SPART: variants seen among roughly 807,000 people sequenced by gnomAD.
SPART encodes spastic paraplegia 20 (Troyer syndrome).
SPART carries 35 observed loss-of-function variants against 58.7 expected under a neutral mutation model. The ratio of observed to expected loss-of-function variants is 0.60; its 90% CI spans 0.46 to 0.79. The LOEUF is 0.79. Among genes scored for constraint, SPART ranks in the 30% least tolerant of loss-of-function variants. The probability of loss-of-function intolerance (pLI) is 0.00; values close to 1 mark genes in which losing one functional copy is unlikely to be tolerated. For missense variants in SPART, 730 were observed against 786.1 expected, an observed-to-expected ratio of 0.93 and a Z score of 0.85; for synonymous variants, 284 against 280.7, an observed-to-expected ratio of 1.01 and a Z score of -0.12.
chr13:36,312,207 T>C lies in SPART; in HGVS notation c.1671A>G (p.Glu557=). ...QGFSTVWQGL[E]CAAKCIVNNV... ...TGTTAACGATGCATTTAGCTGCACA[T>C]TCCAATCCTTGCCAGACAGTTGAAA... The change falls in exon 8 of 9, where the codon GAA becomes GAG. Residue 557 remains glutamate (E), a synonymous_variant. Transcript: ENST00000438666. The C allele has an allele frequency of 1.9e-6, 3 of 1,614,202 alleles. No individual in the cohort carries two copies. Among genetic ancestry groups the C allele is most frequent in the Non-Finnish European group, 2.5e-6 (3 of 1,180,032 alleles).
chr13:36,322,423 G>A (rs1015572130), intron 5 of SPART, among the ~76,000 whole-genome samples: 3 of 146,456 alleles, frequency 2.0e-5, no homozygotes, highest in African/African-American at 7.7e-5. Context: ...CTCCGACTTG[G>A]GTAACAGAGC....
chr13:36,365,053 G>T (rs1394600494), intron 1 of SPART, among the ~76,000 whole-genome samples: 3 of 152,180 alleles, frequency 2.0e-5, no homozygotes, highest in African/African-American at 7.2e-5. Flanking sequence ...GAGGTTGCAT[G>T]ATGCTGAACT....
chr13:36,312,120 G>A, intron 8 of SPART, 25 bp downstream of exon 8: 1 of 1,587,562 alleles, frequency 6.3e-7, no homozygotes, highest in African/African-American at 1.3e-5. Flanking sequence ...CAGAGATTTA[G>A]TCATTAAAAT....
chr13:36,347,163 A>G (rs1309952778), upstream of SPART, among the ~76,000 whole-genome samples: 3 of 151,986 alleles, frequency 2.0e-5, no homozygotes, highest in Non-Finnish European at 4.4e-5. Context: ...AAAACAGAAA[A>G]AAGAAAAAGC....
chr13:36,360,041 AT>A (rs1237325308), intron 1 of SPART, among the ~76,000 whole-genome samples: 4 of 151,806 alleles, frequency 2.6e-5, no homozygotes, highest in Non-Finnish European at 5.9e-5. Context: ...CATGCCTGTA[AT>A]CCTGGCACTT....
chr13:36,348,253 C>A (rs1338077576), upstream of SPART, among the ~76,000 whole-genome samples: 1 of 152,184 alleles, frequency 6.6e-6, no homozygotes, highest in Admixed American at 6.5e-5. Context: ...CCACTGCACC[C>A]CAGCCTGGGC....
chr13:36,319,955 A>T (rs1416157206), intron 5 of SPART, among the ~76,000 whole-genome samples: 1 of 152,142 alleles, frequency 6.6e-6, no homozygotes, highest in Non-Finnish European at 1.5e-5. Flanking sequence ...ACCTTCTACA[A>T]AACAACAACT....
chr13:36,307,699 A>T (rs1363477727), intron 8 of SPART, among the ~76,000 whole-genome samples: 1 of 152,110 alleles, frequency 6.6e-6, no homozygotes, highest in African/African-American at 2.4e-5. Flanking sequence ...TACCGCAATT[A>T]AGTGTAGCAG....
In SPART at chr13:36,304,083, C is replaced by A. The variant is rs566529064; in HGVS notation, c.*282G>T. 1 of 476,226 alleles carries A rather than the reference C, an allele frequency of 2.1e-6. No homozygotes were observed. Among genetic ancestry groups the A allele is most frequent in the East Asian group, 4.1e-5 (1 of 24,350 alleles). 29.5% of individuals were successfully genotyped at this position (476,226 alleles called of 1,614,324 possible). A position where few individuals can be genotyped will look rare whatever the true frequency, so the allele number is the denominator to read the frequency against. On this transcript the variant is annotated 3_prime_UTR_variant, in exon 9 of 9. Transcript: ENST00000438666. ...ATTAGGTTTAACAAGGTTTGAACAA[C>A]ACATGTACTATCAGCTTTATTTTAC... is the stretch of plus-strand genomic sequence containing the variant.
chr13:36,313,535 G>A (rs1306045669), intron 6 of SPART, among the ~76,000 whole-genome samples: 3 of 152,274 alleles, frequency 2.0e-5, no homozygotes, highest in African/African-American at 7.2e-5. Context: ...TTCCAGTCCT[G>A]CAAGTGACAC....
chr13:36,366,392 T>C (rs954444098), intron 1 of SPART, among the ~76,000 whole-genome samples: 1 of 152,196 alleles, frequency 6.6e-6, no homozygotes, highest in African/African-American at 2.4e-5. Flanking sequence ...CTGGTATACC[T>C]CCCTGTATCC....
At position 36,359,383 on chromosome 13, in the gene SPART, G is replaced by C. The variant is rs568216060; in HGVS notation, c.-3+10706C>G. On this transcript the variant is annotated intron_variant, in intron 1 of 8. Coordinates refer to the SPART transcript ENST00000355182. The stretch of plus-strand genomic sequence containing the variant: ...GTCTTATTGTTTATCCAATTCCCAA[G>C]AGGTAATATACTTTGGAAAAATCTG... Among the ~76,000 whole-genome samples the C allele has an allele frequency of 2.6e-5, 4 of 152,156 alleles. No individual in the cohort carries two copies. In the East Asian group the frequency reaches 5.8e-4, roughly 22 times the overall value.
chr13:36,329,374 T>C lies in SPART; in HGVS notation c.1152A>G (p.Lys384=), dbSNP rs1459129963. Residue 384 remains lysine (K), a synonymous_variant, in exon 4 of 9, where the codon AAA becomes AAG. Transcript: ENST00000438666. ...QGNKDVRHKG[K]RGKRAKDTSS... ...CTCTTTTATTTACCCTTTTTCCACG[T>C]TTTCCTTTATGACGTACATCCTTAT... 2 of 1,613,986 alleles carry C rather than the reference T, an allele frequency of 1.2e-6. No individual in the cohort carries two copies. Among genetic ancestry groups the C allele is most frequent in the Non-Finnish European group, 8.5e-7 (1 of 1,179,982 alleles).
At chr13:36,318,997 A>C (rs1326454623) in intron 5 of SPART, among the ~76,000 whole-genome samples, 1 of 152,106 alleles carries the variant, frequency 6.6e-6, no homozygotes, top group African/African-American at 2.4e-5. Context: ...GTGGAAGGTA[A>C]GCCCGTCCCC....
intron 1 of SPART, among the ~76,000 whole-genome samples, chr13:36,354,265 A>G (rs1161414852): frequency 6.6e-6 from 1 of 152,230 alleles, no homozygotes; most frequent in African/African-American, 2.4e-5. Context: ...TCCTTAAAAA[A>G]GTAATCTCAC....
chr13:36,366,851 C>T (rs527688716), intron 1 of SPART, among the ~76,000 whole-genome samples: 1 of 152,236 alleles, frequency 6.6e-6, no homozygotes, highest in South Asian at 2.1e-4. Context: ...TCATCAGAGC[C>T]GTATCATTTT....
chr13:36,314,332 T>G lies in SPART; in HGVS notation c.1378A>C (p.Ile460Leu). The change falls in exon 6 of 9, where the codon ATT (isoleucine) becomes CTT (leucine). Residue 460 changes from isoleucine to leucine, a missense_variant. Ile to Leu is a conservative substitution (Grantham distance 5). Transcript: ENST00000438666. ...QKGASKLRER[I>L]QPEEKPVEVS... is the part of the protein sequence containing the mutation. ...TCCACGGGTTTTTCTTCTGGTTGAA[T>G]CCGCTCTCGGAGTTTAGAAGCACCT... The G allele has an allele frequency of 6.2e-7, 1 of 1,614,196 alleles. No homozygotes were observed. The highest frequency in any genetic ancestry group is 8.5e-7 in the Non-Finnish European group (1 of 1,180,032).
chr13:36,355,265 A>G (rs1033681801), intron 1 of SPART, among the ~76,000 whole-genome samples: 1 of 152,100 alleles, frequency 6.6e-6, no homozygotes, highest in Admixed American at 6.5e-5. Context: ...GGCTTAAGTG[A>G]TCCTCCCGCC....
At position 36,304,224 on chromosome 13, in the gene SPART, ATAAAATT is replaced by A. The variant is rs1267020837; in HGVS notation, c.*134_*140del. 1.5e-5 allele frequency: 15 copies of A among 1,007,428 alleles called. No homozygotes were observed. The East Asian group carries it at 3.6e-4, about 24-fold the overall frequency. The allele number at this position is 1,007,428 out of a possible 1,614,324, so 62.4% of individuals were successfully genotyped here. On this transcript the variant is annotated 3_prime_UTR_variant, in exon 9 of 9. Transcript: ENST00000438666. ...TTTCCTTTTAAATAGAAGACATGCC[ATAAAATT>A]TATGAAAGTTAATTTGTAGGAATGA... is the stretch of plus-strand genomic sequence containing the variant.
Sources: allele counts gnomAD v4.1 joint callset (sites outside exome capture counted in the v4.1 genomes callset), GRCh38; gene constraint gnomAD v4.1.1; transcripts MANE v1.5; gene names NCBI Gene and HGNC (gene_info 2026-07-23, HGNC 2026-07-21).